The following SIK2 variants were observed in gnomAD, a reference collection of about 807,000 sequenced individuals.
The protein encoded by SIK2 is salt inducible kinase 2.
Under a neutral mutation model 103.2 loss-of-function variants are expected in SIK2, and 29 were observed. The observed-to-expected ratio is 0.28, with a 90% confidence interval of 0.21 to 0.38. The LOEUF (loss-of-function observed/expected upper bound fraction) is 0.38. SIK2 is among the 10% of genes least tolerant of loss of function. The pLI, the probability that SIK2 is intolerant of heterozygous loss-of-function variation, is 1.00. For missense variants in SIK2, 879 were observed against 1,171.0 expected (o/e 0.75, Z 3.64); for synonymous variants, 412 against 446.1 (o/e 0.92, Z 0.96).
rs4936617 is a variant in SIK2 at position 111,667,044 on chromosome 11, C to T, written c.317-20957C>T. Among the ~76,000 whole-genome samples, 1,343 of 151,258 alleles carry T rather than the reference C, an allele frequency of 8.9e-3. 12 individuals are homozygous for T. Among genetic ancestry groups the T allele is most frequent in the South Asian group, 0.027 (130 of 4,788 alleles). ...GTGCAGTGACACGATCTTGGCTCAT[C>T]GCAACCTCCGCCTCCCAGGTTCAAG... On this transcript the variant is annotated intron_variant, in intron 3 of 14. Coordinates refer to ENST00000304987, the MANE Select transcript of SIK2 (RefSeq NM_015191.3).
At position 111,726,787 on chromosome 11, in the gene SIK2, G is replaced by T; in HGVS notation, c.*2658G>T. 1 of 605,906 alleles carries T rather than the reference G, an allele frequency of 1.7e-6. No homozygotes were observed. The highest frequency in any genetic ancestry group is 2.9e-6 in the Non-Finnish European group (1 of 339,164). The allele number at this position is 605,906 out of a possible 1,614,324, so 37.5% of individuals were successfully genotyped here. ...CTCTGAAGTACTGACTTGCTTTCCA[G>T]TCTGATTCACGTTAGCAGTGTGTAC... On this transcript the variant is annotated 3_prime_UTR_variant, in exon 15 of 15. Transcript: ENST00000304987.
rs986537321 is a variant in SIK2, at chr11:111,705,364, A to G, written c.1101+225A>G. Reference sequence around the variant, plus strand: ...TTTAAAATTGTTTTCATCATTCACAATGTTGAGAATTACTATCACTAGCCT... The same window carrying G: ...TTTAAAATTGTTTTCATCATTCACAGTGTTGAGAATTACTATCACTAGCCT... On this transcript the variant is annotated intron_variant, in intron 8 of 14. Transcript: ENST00000304987. The surrounding 1 kb of genome is among the most constrained non-coding windows in gnomAD (Gnocchi z 4.3). Among the ~76,000 whole-genome samples, 1 of 152,182 alleles carries G rather than the reference A, an allele frequency of 6.6e-6. No homozygotes were observed. The highest frequency in any genetic ancestry group is 2.4e-5 in the African/African-American group (1 of 41,444).
At chr11:111,631,097 C>T (rs1942031317) in intron 3 of SIK2, among the ~76,000 whole-genome samples, 1 of 152,042 alleles carries the variant, frequency 6.6e-6, no homozygotes. Flanking sequence ...AGGAATTCCT[C>T]CTTCTCTGAA....
chr11:111,688,098 T>C lies in SIK2; in HGVS notation c.414T>C (p.Ile138=), dbSNP rs1330508370. ...TTGATTATTGTCATGGTCGGAAGAT[T>C]GTGCACCGTGACCTCAAAGCTGAAA... ...SAVDYCHGRK[I]VHRDLKAENL... The change falls in exon 4 of 15, where the codon ATT becomes ATC. Residue 138 remains isoleucine (I), a synonymous_variant. Transcript: ENST00000304987. The surrounding 1 kb of genome is among the most constrained non-coding windows in gnomAD (Gnocchi z 4.2). The C allele has an allele frequency of 6.2e-7, 1 of 1,614,022 alleles. No homozygotes were observed. The highest frequency in any genetic ancestry group is 8.5e-7 in the Non-Finnish European group (1 of 1,180,030).
chr11:111,712,348 G>C lies in SIK2; in HGVS notation c.1239G>C (p.Met413Ile), dbSNP rs2135948540. The C allele has an allele frequency of 6.2e-7, 1 of 1,614,164 alleles. No homozygotes were observed. The highest frequency in any genetic ancestry group is 2.2e-5 in the East Asian group (1 of 44,880). The part of the protein sequence containing the change: ...ASGCQAEAAF[M>I]EEECVDTPKV... ...GCTGTCAGGCGGAAGCTGCATTCATGGAAGAAGAGTGTGTGGACACTCCAA... is the reference window on the plus strand; with the variant it reads ...GCTGTCAGGCGGAAGCTGCATTCATCGAAGAAGAGTGTGTGGACACTCCAA... The change falls in exon 9 of 15, where the codon ATG becomes ATC. Residue 413 changes from methionine (M) to isoleucine (I), a missense_variant. Coordinates refer to ENST00000304987, the MANE Select transcript of SIK2 (RefSeq NM_015191.3).
intron 3 of SIK2, among the ~76,000 whole-genome samples, chr11:111,638,359 T>G (rs1179007554): frequency 6.6e-6 from 1 of 152,190 alleles, no homozygotes; most frequent in East Asian, 1.9e-4. Context: ...GTCCATAAAA[T>G]GAAGGGAGGA....
At chr11:111,674,098 A>G (rs553165410) in intron 3 of SIK2, among the ~76,000 whole-genome samples, 28 of 152,016 alleles carry the variant, frequency 1.8e-4, no homozygotes, top group Admixed American at 7.2e-4. Flanking sequence ...AAAAGAAAAA[A>G]AAAAGCTTAG....
chr11:111,663,758 A>G (rs1025739859), intron 3 of SIK2, among the ~76,000 whole-genome samples: 16 of 152,192 alleles, frequency 1.1e-4, no homozygotes, highest in Admixed American at 8.5e-4. Flanking sequence ...GCTTCGGGGT[A>G]CGTTTTCAAG....
intron 3 of SIK2, among the ~76,000 whole-genome samples, chr11:111,625,798 A>G (rs931841392): frequency 1.3e-5 from 2 of 152,168 alleles, no homozygotes; most frequent in African/African-American, 2.4e-5. Context: ...CTGCTGCAAA[A>G]AGGGAAAAAA....
In SIK2 at chr11:111,692,691, A is replaced by G. The variant is rs118020819; in HGVS notation, c.478+4529A>G. ...ATGGCCCTGATTTTCTTTAAGGATC[A>G]TCTTCTTATCTCTGAGAACTCTTAA... On this transcript the variant is annotated intron_variant, in intron 4 of 14. Transcript: ENST00000304987. Among the ~76,000 whole-genome samples the G allele has an allele frequency of 3.6e-3, 553 of 152,312 alleles. 3 individuals are homozygous for G. Among genetic ancestry groups the G allele is most frequent in the Non-Finnish European group, 5.9e-3 (401 of 68,028 alleles).
intron 3 of SIK2, among the ~76,000 whole-genome samples, chr11:111,653,601 A>G (rs1942355065): frequency 1.3e-5 from 2 of 152,230 alleles, no homozygotes; most frequent in Non-Finnish European, 2.9e-5. Flanking sequence ...CACAGGGTGG[A>G]GATCAGATTG....
intron 9 of SIK2, among the ~76,000 whole-genome samples, chr11:111,715,293 G>A (rs1943607648): frequency 6.6e-6 from 1 of 152,096 alleles, no homozygotes; most frequent in Non-Finnish European, 1.5e-5. Context: ...CTTTCTTGGG[G>A]CCCATAAATA....
At chr11:111,646,760 G>A (rs141132331) in intron 3 of SIK2, among the ~76,000 whole-genome samples, 42 of 152,222 alleles carry the variant, frequency 2.8e-4, no homozygotes, top group Non-Finnish European at 5.0e-4. Flanking sequence ...ATAACTTTTC[G>A]AGATTCATCC....
At chr11:111,650,747 A>G (rs1280349065) in intron 3 of SIK2, among the ~76,000 whole-genome samples, 3 of 152,160 alleles carry the variant, frequency 2.0e-5, no homozygotes, top group African/African-American at 4.8e-5. Flanking sequence ...GGAAAAATAT[A>G]TAACTTTCAT....
intron 3 of SIK2, among the ~76,000 whole-genome samples, chr11:111,683,985 T>C (rs761963016): frequency 2.0e-5 from 3 of 152,208 alleles, no homozygotes; most frequent in Non-Finnish European, 4.4e-5. Context: ...ATGGGGAAGA[T>C]AATAGATACA....
At chr11:111,690,793 C>CT (rs1942926597) in intron 4 of SIK2, among the ~76,000 whole-genome samples, 1 of 152,152 alleles carries the variant, frequency 6.6e-6, no homozygotes, top group Non-Finnish European at 1.5e-5. Context: ...TGAACTCATT[C>CT]TTTTTTTATG....
chr11:111,706,600 AAG>A (rs1209568839), intron 8 of SIK2, among the ~76,000 whole-genome samples: 11 of 152,236 alleles, frequency 7.2e-5, no homozygotes, highest in African/African-American at 2.7e-4. Context: ...TGTTTTAAAA[AAG>A]GGAATTAAAT....
rs538167690 is a variant in SIK2 at position 111,690,808 on chromosome 11, C to T, written c.478+2646C>T. Reference sequence around the variant, plus strand: ...TGAACTCATTCTTTTTTTATGTCTGCGTAGTATTCCATTGTGTATATGTGC... The same window carrying T: ...TGAACTCATTCTTTTTTTATGTCTGTGTAGTATTCCATTGTGTATATGTGC... On this transcript the variant is annotated intron_variant, in intron 4 of 14. Coordinates refer to ENST00000304987, the MANE Select transcript of SIK2 (RefSeq NM_015191.3). Among the ~76,000 whole-genome samples the T allele has an allele frequency of 5.3e-4, 81 of 152,240 alleles. 1 individual carries two copies. The South Asian group carries it at 0.016, about 30-fold the overall frequency.
At chr11:111,644,245 C>T (rs112241719) in intron 3 of SIK2, among the ~76,000 whole-genome samples, 2,498 of 144,374 alleles carry the variant, frequency 0.017, 94 homozygotes, top group African/African-American at 0.061. Flanking sequence ...GCCGAGATCA[C>T]GCCACTGCAC....
Sources: gnomAD v4.1 joint callset for allele counts (sites outside exome capture counted in the v4.1 genomes callset) on GRCh38, gnomAD v4.1.1 for gene constraint, Gnocchi (gnomAD v3.1) non-coding constraint, MANE v1.5 for transcripts, NCBI Gene and HGNC (gene_info 2026-07-23, HGNC 2026-07-21) for gene names.